TTLL3: variants seen among roughly 807,000 people sequenced by gnomAD.
TTLL3 encodes tubulin tyrosine ligase like 3, also known as tubulin monoglycylase TTLL3.
A neutral mutation model predicts 75.2 loss-of-function variants in TTLL3; 63 were observed. The observed-to-expected ratio is 0.84, with a 90% confidence interval of 0.68 to 1.03. The LOEUF (loss-of-function observed/expected upper bound fraction) is 1.03. Among genes scored for constraint, TTLL3 ranks in the 50% least tolerant of loss-of-function variants. The pLI is 0.00. For synonymous variants in TTLL3, 393 were observed against 418.5 expected (o/e 0.94, Z 0.74); for missense variants, 997 against 1,069.9 (o/e 0.93, Z 0.95).
rs1048275657 is a variant in TTLL3 at position 9,835,248 on chromosome 3, C to G, written c.2207C>G (p.Pro736Arg). Residue 736 changes from proline to arginine, a missense_variant, in exon 14 of 14, where the codon CCC (proline) becomes CGC (arginine). Transcript: ENST00000685419. ...DCDKPRAEACPMKRLSPLKPL... is the reference protein window; with the variant it reads ...DCDKPRAEACRMKRLSPLKPL... ...GACAAACCCAGGGCTGAGGCCTGCC[C>G]CATGAAGAGGCTGAGCCCCCTGAAA... 1.1e-5 allele frequency: 17 copies of G among 1,614,062 alleles called. No homozygotes were observed. The highest frequency in any genetic ancestry group is 1.7e-5 in the Admixed American group (1 of 60,006).
Position 9,827,133 on chromosome 3 carries a change from C to T in TTLL3, c.1140C>T (p.Leu380=). The change falls in exon 10 of 14, where the codon CTC becomes CTT. Residue 380 remains leucine (L), a synonymous_variant. Coordinates refer to ENST00000685419, the MANE Select transcript of TTLL3 (RefSeq NM_001387446.1). ...TCATCTTTGGCACCAAGTTTGACCT[C>T]AGACAGTGGTTCCTGGTAACTGACT... ...PLLIFGTKFD[L]RQWFLVTDWN... 1 of 1,614,248 alleles carries T rather than the reference C, an allele frequency of 6.2e-7. No individual in the cohort carries two copies. Among genetic ancestry groups the T allele is most frequent in the Non-Finnish European group, 8.5e-7 (1 of 1,180,040 alleles).
intron 11 of TTLL3, 62 bp from the exon 12 acceptor site, chr3:9,833,042 G>A (rs147164026): frequency 2.7e-4 from 430 of 1,594,086 alleles, no homozygotes; most frequent in Middle Eastern, 6.7e-4. Context: ...TCTGGGTCCC[G>A]CTGGGCCAAG....
At chr3:9,819,144 C>T (rs2080177821) in intron 7 of TTLL3, 3 of 576,674 alleles carry the variant, frequency 5.2e-6, no homozygotes, top group African/African-American at 3.7e-5. Context: ...TTCACCCACC[C>T]ACCCTTCCAC....
chr3:9,831,469 TCA>T (rs1209785630), intron 11 of TTLL3, among the ~76,000 whole-genome samples: 1 of 152,208 alleles, frequency 6.6e-6, no homozygotes, highest in East Asian at 1.9e-4. Flanking sequence ...TGAGAGTGTC[TCA>T]CAGTTAGTGC....
intron 8 of TTLL3, among the ~76,000 whole-genome samples, chr3:9,824,688 C>T (rs2080844513): frequency 1.3e-5 from 2 of 151,500 alleles, no homozygotes; most frequent in Non-Finnish European, 1.5e-5. Flanking sequence ...GGATTACAAG[C>T]GTGAGCCACT....
At chr3:9,828,931 G>A (rs2081296585) in intron 10 of TTLL3, 29 bp from the exon 11 acceptor site, 2 of 1,610,948 alleles carry the variant, frequency 1.2e-6, no homozygotes, top group South Asian at 2.2e-5. Flanking sequence ...ACAAGGGCCT[G>A]GACCTCAGTT....
At chr3:9,817,890 A>C in intron 6 of TTLL3, 131 bp downstream of exon 6, 3 of 1,205,890 alleles carry the variant, frequency 2.5e-6, no homozygotes, top group Non-Finnish European at 3.5e-6. Context: ...TTCCCTTTCC[A>C]CCCTCAATCC....
chr3:9,815,151 A>C (rs2079719241), intron 4 of TTLL3, among the ~76,000 whole-genome samples: 1 of 151,448 alleles, frequency 6.6e-6, no homozygotes, highest in African/African-American at 2.4e-5. Context: ...GAGGCAGAAG[A>C]ATCAACTTGA....
At chr3:9,834,954 G>A (rs745485533) in intron 13 of TTLL3, 47 bp downstream of exon 13, 9 of 1,613,754 alleles carry the variant, frequency 5.6e-6, no homozygotes, top group African/African-American at 5.3e-5. Flanking sequence ...TGCTGAGCAC[G>A]GGGTCAGGGC....
Position 9,818,499 on chromosome 3 carries a change from G to C in TTLL3, c.560-323G>C, listed in dbSNP as rs563483694. ...TTCTCCTGCCTCAGCCTCCCGAGTA[G>C]CTGGGACTACAGGCGCCCGCCATCA... is the stretch of plus-strand genomic sequence containing the variant. On this transcript the variant is annotated intron_variant, in intron 6 of 13. Coordinates refer to ENST00000685419, the MANE Select transcript of TTLL3 (RefSeq NM_001387446.1). The C allele has an allele frequency of 2.0e-5, 6 of 297,002 alleles. No homozygotes were observed. The Admixed American group carries it at 2.6e-4, about 13-fold the overall frequency. The allele number at this position is 297,002 out of a possible 1,614,324, so 18.4% of individuals were successfully genotyped here. A position where few individuals can be genotyped will look rare whatever the true frequency, so the allele number is the denominator to read the frequency against.
Position 9,816,386 on chromosome 3 carries a change from G to A in TTLL3, c.444+184G>A, listed in dbSNP as rs1013667805. On this transcript the variant is annotated intron_variant, in intron 5 of 13. Transcript: ENST00000685419. ...CAAATCCAGCCCCTGCACCGTATCC[G>A]GCATTTGTAGATATGATGTCTAAAA... Among the ~76,000 whole-genome samples, 4 of 152,134 alleles carry A rather than the reference G, an allele frequency of 2.6e-5. No individual in the cohort carries two copies. In the East Asian group the frequency reaches 7.7e-4, roughly 29 times the overall value.
intron 11 of TTLL3, among the ~76,000 whole-genome samples, chr3:9,832,212 A>G (rs575815572): frequency 1.4e-5 from 2 of 146,484 alleles, no homozygotes; most frequent in East Asian, 3.9e-4. Flanking sequence ...CGACCTCCCG[A>G]GTAGCTGGGA....
At chr3:9,819,445 C>G (rs542981444) in intron 7 of TTLL3, 1 of 971,294 alleles carries the variant, frequency 1.0e-6, no homozygotes, top group East Asian at 1.1e-4. Context: ...GGCATGTAGC[C>G]GAGCACCCTG....
At chr3:9,822,828 T>G (rs2080604995) in intron 8 of TTLL3, among the ~76,000 whole-genome samples, 1 of 144,474 alleles carries the variant, frequency 6.9e-6, no homozygotes, top group Non-Finnish European at 1.5e-5. Flanking sequence ...AGGCTGGTCT[T>G]GAACTCCTGA....
intron 8 of TTLL3, among the ~76,000 whole-genome samples, chr3:9,823,423 T>TTA (rs1491565585): frequency 1.2e-4 from 18 of 150,082 alleles, no homozygotes; most frequent in African/African-American, 3.9e-4. Context: ...TTTTTTTTTT[T>TTA]AAATCCTGGA....
At chr3:9,821,980 G>A (rs1236811654) in intron 8 of TTLL3, among the ~76,000 whole-genome samples, 5 of 146,932 alleles carry the variant, frequency 3.4e-5, no homozygotes, top group African/African-American at 1.3e-4. Context: ...TCCAGCCTGG[G>A]TGACAGAATG....
chr3:9,827,317 A>AG, intron 10 of TTLL3, 77 bp downstream of exon 10: 1 of 1,574,368 alleles, frequency 6.4e-7, no homozygotes, highest in Non-Finnish European at 8.6e-7. Context: ...ATTACAGTGC[A>AG]GGGGACTCGC....
At chr3:9,826,004 A>G in intron 9 of TTLL3, 56 bp downstream of exon 9, 1 of 1,590,494 alleles carries the variant, frequency 6.3e-7, no homozygotes, top group Non-Finnish European at 8.6e-7. Context: ...ATCTACCAGT[A>G]GAGGCCAAGG....
intron 8 of TTLL3, among the ~76,000 whole-genome samples, chr3:9,825,248 C>T (rs2080912444): frequency 6.6e-6 from 1 of 150,524 alleles, no homozygotes; most frequent in Non-Finnish European, 1.5e-5. Context: ...ACTTGGGAGG[C>T]TGAAACTTGG....
Sources: gnomAD v4.1 joint callset for allele counts (sites outside exome capture counted in the v4.1 genomes callset) on GRCh38, gnomAD v4.1.1 for gene constraint, MANE v1.5 for transcripts, NCBI Gene and HGNC (gene_info 2026-07-23, HGNC 2026-07-21) for gene names.